Variants in SMYD3 observed in about 807,000 individuals in gnomAD.
The protein encoded by SMYD3 is histone-lysine N-methyltransferase SMYD3.
Under a neutral mutation model 57.7 loss-of-function variants are expected in SMYD3, and 36 were observed. The observed-to-expected ratio is 0.62, with a 90% CI of 0.48 to 0.82. The LOEUF is 0.82. SMYD3 is among the 40% of genes least tolerant of loss of function. The pLI, the probability that SMYD3 is intolerant of heterozygous loss-of-function variation, is 0.00. For missense variants in SMYD3, 515 were observed against 538.8 expected (o/e 0.96, Z 0.44); for synonymous variants, 211 against 195.0 (o/e 1.08, Z -0.68).
At chr1:246,316,772 G>A (rs1171835909) in intron 5 of SMYD3, among the ~76,000 whole-genome samples, 1 of 150,408 alleles carries the variant, frequency 6.6e-6, no homozygotes, top group African/African-American at 2.4e-5. Context: ...GAGGCGAGCG[G>A]ATCACAAGGT....
intron 1 of SMYD3, among the ~76,000 whole-genome samples, chr1:246,358,510 A>G (rs1192785955): frequency 6.6e-6 from 1 of 152,244 alleles, no homozygotes; most frequent in Admixed American, 6.5e-5. Flanking sequence ...TGCAGAATGT[A>G]CATTCTATTC....
At chr1:246,459,450 C>G (rs138450750) in intron 1 of SMYD3, among the ~76,000 whole-genome samples, 106 of 151,596 alleles carry the variant, frequency 7.0e-4, no homozygotes, top group Admixed American at 3.8e-3. Flanking sequence ...CGTCCCCCTT[C>G]ACTCTCTTGT....
intron 10 of SMYD3, among the ~76,000 whole-genome samples, chr1:245,849,951 C>T (rs1219330261): frequency 7.2e-6 from 1 of 138,016 alleles, no homozygotes; most frequent in Non-Finnish European, 1.6e-5. Context: ...CTGTGTCCGG[C>T]CTATTCACTG....
chr1:246,343,598 T>C (rs1017114522), intron 2 of SMYD3, among the ~76,000 whole-genome samples: 1 of 152,064 alleles, frequency 6.6e-6, no homozygotes, highest in African/African-American at 2.4e-5. Context: ...AATTGAAAAA[T>C]AGATGAGAAA....
chr1:246,374,711 C>T (rs570271210), intron 1 of SMYD3, among the ~76,000 whole-genome samples: 12 of 152,272 alleles, frequency 7.9e-5, no homozygotes, highest in African/African-American at 2.9e-4. Context: ...GTGGCTCATG[C>T]CTGTAATCCC....
chr1:246,288,955 A>T (rs904928177), intron 5 of SMYD3, among the ~76,000 whole-genome samples: 5 of 152,072 alleles, frequency 3.3e-5, no homozygotes, highest in Non-Finnish European at 7.4e-5. Flanking sequence ...CTCTACTAAA[A>T]ATACAAAAAA....
chr1:246,253,443 A>G (rs780811594), intron 5 of SMYD3, among the ~76,000 whole-genome samples: 1 of 152,322 alleles, frequency 6.6e-6, no homozygotes, highest in Middle Eastern at 3.4e-3. Flanking sequence ...TGCAAAGGAC[A>G]TGATTTTGTT....
At chr1:246,446,667 G>A (rs1370601357) in intron 1 of SMYD3, among the ~76,000 whole-genome samples, 1 of 152,174 alleles carries the variant, frequency 6.6e-6, no homozygotes, top group Non-Finnish European at 1.5e-5. Context: ...AGGAACCTAT[G>A]TAACTTGAGG....
In SMYD3 at chr1:246,242,219, TG is replaced by T. The variant is rs1302631129; in HGVS notation, c.531+84981del. Reference sequence around the variant, plus strand: ...TTTAGATCTTTCCTGCTTTCTCTTGTGGGCACTTAATGCTCTAAATTTCCCT... The same window carrying T: ...TTTAGATCTTTCCTGCTTTCTCTTGTGGCACTTAATGCTCTAAATTTCCCT... On this transcript the variant is annotated intron_variant, in intron 5 of 11. Transcript: ENST00000490107. 2.0e-5 allele frequency among the ~76,000 whole-genome samples: 3 copies of T among 152,214 alleles called. No homozygotes were observed. The East Asian group carries it at 5.8e-4, about 29-fold the overall frequency.
At chr1:246,473,418 C>T (rs2067987093) in intron 1 of SMYD3, among the ~76,000 whole-genome samples, 1 of 152,146 alleles carries the variant, frequency 6.6e-6, no homozygotes, top group African/African-American at 2.4e-5. Context: ...AAGTATTCTG[C>T]TCATCTCAGA....
Position 245,927,994 on chromosome 1 carries a change from C to G in SMYD3, c.639G>C (p.Ser213=). 6.2e-7 allele frequency: 1 copy of G among 1,612,470 alleles called. No homozygotes were observed. Among genetic ancestry groups the G allele is most frequent in the Non-Finnish European group, 8.5e-7 (1 of 1,179,130 alleles). The part of the protein sequence containing the change: ...LLNHSCDPNC[S]IVFNGPHLLL... ...AGAGGTGGGGCCCATTGAACACAAT[C>G]GAACAGTTGGGGTCACAGCTGTGAT... The change falls in exon 7 of 12, where the codon TCG becomes TCC. Residue 213 remains serine (S), a synonymous_variant. Coordinates refer to ENST00000490107, the MANE Select transcript of SMYD3 (RefSeq NM_001167740.2).
intron 1 of SMYD3, among the ~76,000 whole-genome samples, chr1:246,469,456 T>C (rs1181015204): frequency 2.6e-5 from 4 of 152,280 alleles, no homozygotes; most frequent in Admixed American, 2.0e-4. Context: ...CTGGAACATT[T>C]TGTCATTCCA....
Position 246,114,580 on chromosome 1 carries a change from C to T in SMYD3, c.532-184643G>A, listed in dbSNP as rs138749792. On this transcript the variant is annotated intron_variant, in intron 5 of 11. Coordinates refer to ENST00000490107, the MANE Select transcript of SMYD3 (RefSeq NM_001167740.2). ...TCAGCCCCTGCCTCTTGGCAGACAG[C>T]CTCTTCTCTGCTGTGCCGGCCATTG... is the stretch of plus-strand genomic sequence containing the variant. 2.0e-3 allele frequency among the ~76,000 whole-genome samples: 305 copies of T among 152,298 alleles called. 3 individuals carry two copies. Among genetic ancestry groups the T allele is most frequent in the African/African-American group, 6.4e-3 (266 of 41,576 alleles).
chr1:245,978,985 T>C (rs1384037399), intron 5 of SMYD3, among the ~76,000 whole-genome samples: 1 of 152,196 alleles, frequency 6.6e-6, no homozygotes, highest in Non-Finnish European at 1.5e-5. Context: ...TATGCATTGC[T>C]AAAAGCATGT....
intron 5 of SMYD3, among the ~76,000 whole-genome samples, chr1:246,115,963 A>AC (rs1409137551): frequency 4.0e-5 from 6 of 151,858 alleles, no homozygotes; most frequent in Admixed American, 2.6e-4. Flanking sequence ...ACATGGTGAA[A>AC]CCCCATCTCT....
chr1:246,229,969 A>C (rs2063387114), intron 5 of SMYD3, among the ~76,000 whole-genome samples: 1 of 152,230 alleles, frequency 6.6e-6, no homozygotes. Flanking sequence ...AGCTCTAAAA[A>C]TCTGGGCCTT....
intron 7 of SMYD3, among the ~76,000 whole-genome samples, chr1:245,920,910 G>A (rs1385727458): frequency 6.6e-6 from 1 of 152,156 alleles, no homozygotes; most frequent in Non-Finnish European, 1.5e-5. Flanking sequence ...GTCTTCAACA[G>A]CAATTGCAAC....
chr1:246,084,519 G>A (rs2060693588), intron 5 of SMYD3, among the ~76,000 whole-genome samples: 1 of 151,990 alleles, frequency 6.6e-6, no homozygotes, highest in South Asian at 2.1e-4. Context: ...CCAATTTACT[G>A]ATCTTACAAT....
intron 10 of SMYD3, among the ~76,000 whole-genome samples, chr1:245,821,727 G>C: frequency 6.6e-6 from 1 of 151,940 alleles, no homozygotes; most frequent in African/African-American, 2.4e-5. Context: ...CCATCAAAAA[G>C]TGGGCAAAGG....
Sources: gnomAD v4.1 joint callset for allele counts (sites outside exome capture counted in the v4.1 genomes callset) on GRCh38, gnomAD v4.1.1 for gene constraint, MANE v1.5 for transcripts, NCBI Gene and HGNC (gene_info 2026-07-23, HGNC 2026-07-21) for gene names.